PPARGC1A: variants seen among roughly 807,000 people sequenced by gnomAD.
PPARGC1A encodes the protein PPARG coactivator 1 alpha.
A neutral mutation model predicts 88.7 loss-of-function variants in PPARGC1A; 25 were observed. That is an observed-to-expected ratio of 0.28 (90% CI 0.21 to 0.39). PPARGC1A has a LOEUF of 0.39. Among genes scored for constraint, PPARGC1A ranks in the 10% least tolerant of loss-of-function variants. PPARGC1A has a pLI of 1.00. For missense variants in PPARGC1A, 880 were observed against 968.7 expected, an observed-to-expected ratio of 0.91 and a Z score of 1.22; for synonymous variants, 363 against 355.6, an observed-to-expected ratio of 1.02 and a Z score of -0.24.
the PPARGC1A span, among the ~76,000 whole-genome samples, chr4:24,189,505 CT>C: frequency 2.0e-5 from 3 of 152,124 alleles, no homozygotes; most frequent in African/African-American, 7.2e-5. Flanking sequence ...ATAAGAAGCA[CT>C]TGGCAATTGT....
the PPARGC1A span, among the ~76,000 whole-genome samples, chr4:24,016,521 CAGA>C: frequency 8.5e-5 from 13 of 152,098 alleles, no homozygotes; most frequent in Non-Finnish European, 1.5e-4. Flanking sequence ...TTGGCCTATT[CAGA>C]AGGAGTGCCA....
the PPARGC1A span, among the ~76,000 whole-genome samples, chr4:24,305,264 T>G: frequency 6.6e-6 from 1 of 151,096 alleles, no homozygotes; most frequent in Non-Finnish European, 1.5e-5. Flanking sequence ...ATATATATGA[T>G]ATCTAAGAAG....
At chr4:24,303,808 T>G in the PPARGC1A span, among the ~76,000 whole-genome samples, 1 of 152,306 alleles carries the variant, frequency 6.6e-6, no homozygotes, top group Admixed American at 6.5e-5. Context: ...CAAAAATTGG[T>G]TGCTGTTCGT....
the PPARGC1A span, among the ~76,000 whole-genome samples, chr4:24,471,664 G>A: frequency 6.6e-6 from 1 of 152,068 alleles, no homozygotes; most frequent in Non-Finnish European, 1.5e-5. This position sits in a 1 kb window ranked among gnomAD's most constrained non-coding sequence, Gnocchi z 5.4. Context: ...GGCCCCCCGA[G>A]TCACACCGAC....
At chr4:24,192,726 T>C in the PPARGC1A span, among the ~76,000 whole-genome samples, 3 of 152,222 alleles carry the variant, frequency 2.0e-5, no homozygotes, top group Non-Finnish European at 4.4e-5. Context: ...TCAGGAAATT[T>C]GGGAGACATT....
the PPARGC1A span, among the ~76,000 whole-genome samples, chr4:24,325,911 C>T: frequency 6.6e-6 from 1 of 152,186 alleles, no homozygotes; most frequent in African/African-American, 2.4e-5. Context: ...CCAACTTAGA[C>T]AACACTCTTT....
the PPARGC1A span, among the ~76,000 whole-genome samples, chr4:24,398,582 T>C: frequency 6.6e-6 from 1 of 152,256 alleles, no homozygotes; most frequent in Non-Finnish European, 1.5e-5. Flanking sequence ...TCCTCTTTTC[T>C]GTAGCATCAC....
the PPARGC1A span, among the ~76,000 whole-genome samples, chr4:24,306,457 T>A: frequency 6.6e-6 from 1 of 152,068 alleles, no homozygotes; most frequent in South Asian, 2.1e-4. Flanking sequence ...GTAGGCCCAT[T>A]GGGATTATGA....
the PPARGC1A span, among the ~76,000 whole-genome samples, chr4:24,456,588 A>T: frequency 6.6e-6 from 1 of 152,244 alleles, no homozygotes; most frequent in African/African-American, 2.4e-5. Flanking sequence ...AGTTGGTTGC[A>T]CCAATCCAAG....
the PPARGC1A span, among the ~76,000 whole-genome samples, chr4:23,953,964 A>C: frequency 6.6e-6 from 1 of 152,058 alleles, no homozygotes; most frequent in African/African-American, 2.4e-5. Flanking sequence ...GAAAATATTC[A>C]GTTAAATTTC....
At chr4:23,805,155 C>A (rs1873532) in intron 10 of PPARGC1A, among the ~76,000 whole-genome samples, 52,316 of 151,684 alleles carry the variant, frequency 0.34, 9,576 homozygotes, top group Middle Eastern at 0.46. Context: ...ATCAAAGATG[C>A]CTAAGAGTGG....
chr4:24,211,146 T>G, the PPARGC1A span, among the ~76,000 whole-genome samples: 1 of 152,186 alleles, frequency 6.6e-6, no homozygotes, highest in African/African-American at 2.4e-5. Context: ...GCCTAGCACG[T>G]GCATGGCTCA....
chr4:24,328,757 G>T, the PPARGC1A span, among the ~76,000 whole-genome samples: 1 of 152,168 alleles, frequency 6.6e-6, no homozygotes, highest in African/African-American at 2.4e-5. Context: ...TTGCATGAAT[G>T]GAGTTTGCTT....
the PPARGC1A span, among the ~76,000 whole-genome samples, chr4:24,009,521 C>A: frequency 6.6e-6 from 1 of 152,196 alleles, no homozygotes; most frequent in Non-Finnish European, 1.5e-5. Context: ...TGAGAAGCTG[C>A]GCATTTCAGG....
the PPARGC1A span, among the ~76,000 whole-genome samples, chr4:24,422,457 T>C: frequency 1.3e-5 from 2 of 152,328 alleles, no homozygotes; most frequent in Non-Finnish European, 2.9e-5. Flanking sequence ...TATTAACCTC[T>C]TTCCCATGAC....
At chr4:24,013,386 C>T in the PPARGC1A span, among the ~76,000 whole-genome samples, 1 of 152,076 alleles carries the variant, frequency 6.6e-6, no homozygotes, top group African/African-American at 2.4e-5. Flanking sequence ...TATCACTTCC[C>T]AAGTGCCCTC....
At chr4:23,973,195 A>C in the PPARGC1A span, among the ~76,000 whole-genome samples, 2 of 152,188 alleles carry the variant, frequency 1.3e-5, no homozygotes, top group Admixed American at 1.3e-4. Context: ...GGAAGAAAAA[A>C]TTTAGAGCAA....
chr4:23,998,671 G>C, the PPARGC1A span, among the ~76,000 whole-genome samples: 1 of 152,140 alleles, frequency 6.6e-6, no homozygotes, highest in Non-Finnish European at 1.5e-5. Flanking sequence ...GCCAGATATA[G>C]ATATAATTTT....
chr4:24,189,216 G>A, the PPARGC1A span, among the ~76,000 whole-genome samples: 4 of 152,046 alleles, frequency 2.6e-5, no homozygotes, highest in African/African-American at 7.3e-5. Flanking sequence ...AAACAGTTCC[G>A]GAGATGGATG....
Sources: allele counts gnomAD v4.1 joint callset (sites outside exome capture counted in the v4.1 genomes callset), GRCh38; gene constraint gnomAD v4.1.1; non-coding constraint Gnocchi (gnomAD v3.1); transcripts MANE v1.5; gene names NCBI Gene and HGNC (gene_info 2026-07-23, HGNC 2026-07-21).